AQP1: variants seen among roughly 807,000 people sequenced by gnomAD.
The protein encoded by AQP1 is aquaporin-1.
Under a neutral mutation model 19.7 loss-of-function variants are expected in AQP1, and 11 were observed. The ratio of observed to expected loss-of-function variants is 0.56; its 90% CI spans 0.35 to 0.92. The LOEUF is 0.92. Ranked by LOEUF, AQP1 falls within the 40% of genes least tolerant of loss-of-function variation. The pLI is 0.01. For missense variants in AQP1, 320 were observed against 369.7 expected, an observed-to-expected ratio of 0.87 and a Z score of 1.10; for synonymous variants, 159 against 166.7, an observed-to-expected ratio of 0.95 and a Z score of 0.36.
At chr7:30,920,318 A>G (rs1791467092) in intron 1 of AQP1, among the ~76,000 whole-genome samples, 1 of 152,152 alleles carries the variant, frequency 6.6e-6, no homozygotes, top group Non-Finnish European at 1.5e-5. Context: ...GCTCAGATAC[A>G]GAGGGACAGG....
At chr7:30,922,340 G>T in intron 2 of AQP1, 110 bp downstream of exon 2, 2 of 1,465,570 alleles carry the variant, frequency 1.4e-6, no homozygotes, top group Middle Eastern at 2.3e-4. Flanking sequence ...TTGCCATTGG[G>T]TGGAGGATGG....
intron 1 of AQP1, among the ~76,000 whole-genome samples, chr7:30,919,054 C>T (rs1404599889): frequency 6.6e-6 from 1 of 152,130 alleles, no homozygotes; most frequent in Non-Finnish European, 1.5e-5. Flanking sequence ...TGAAGAAGAC[C>T]GCCCTGGGTC....
intron 1 of AQP1, chr7:30,921,399 G>T (rs563058618): frequency 7.1e-7 from 1 of 1,417,846 alleles, no homozygotes; most frequent in Non-Finnish European, 9.2e-7. Flanking sequence ...TGGGGAGGAA[G>T]AAGAGAGAAG....
intron 1 of AQP1, among the ~76,000 whole-genome samples, chr7:30,915,971 G>A (rs1284616752): frequency 6.6e-6 from 1 of 152,186 alleles, no homozygotes; most frequent in Non-Finnish European, 1.5e-5. Flanking sequence ...GCCACATCTG[G>A]GACATATAAT....
chr7:30,922,812 C>A (rs1262530756), intron 3 of AQP1, among the ~76,000 whole-genome samples, 168 bp downstream of exon 3: 1 of 152,186 alleles, frequency 6.6e-6, no homozygotes, highest in Non-Finnish European at 1.5e-5. Flanking sequence ...GGTCACACTG[C>A]CAGCACTTTC....
intron 1 of AQP1, among the ~76,000 whole-genome samples, chr7:30,918,632 C>A (rs1019059156): frequency 2.0e-5 from 3 of 152,216 alleles, no homozygotes; most frequent in Admixed American, 2.0e-4. Context: ...GGAGCCTGCT[C>A]TTCCCCAAGG....
Position 30,911,979 on chromosome 7 carries a change from T to C in AQP1, c.70T>C (p.Phe24Leu). 6.2e-7 allele frequency: 1 copy of C among 1,613,620 alleles called. No individual in the cohort carries two copies. The change falls in exon 1 of 4, where the codon TTT becomes CTT. Residue 24 changes from phenylalanine (F) to leucine (L), a missense_variant. By Grantham distance (22) the Phe-to-Leu change is conservative (BLOSUM62 0). Transcript: ENST00000311813. ...VVAEFLATTLFVFISIGSALG... is the reference protein window; with the variant it reads ...VVAEFLATTLLVFISIGSALG... ...GGCCGAGTTCCTGGCCACGACCCTC[T>C]TTGTCTTCATCAGCATCGGTTCTGC...
rs916651094 is a variant in AQP1 at position 30,921,854 on chromosome 7, C to G, written c.385-212C>G. The G allele has an allele frequency of 3.9e-5, 60 of 1,542,380 alleles. No homozygotes were observed. In the Admixed American group the frequency reaches 7.4e-4, roughly 19 times the overall value. On this transcript the variant is annotated intron_variant, in intron 1 of 3. Coordinates refer to ENST00000311813, the MANE Select transcript of AQP1 (RefSeq NM_198098.4). ...GTCTAGGCAGGTATTAGGGGCTGGG[C>G]TGGAGTTTCATTAACACAGGGGGTG...
intron 1 of AQP1, among the ~76,000 whole-genome samples, chr7:30,915,465 A>T (rs1450575904): frequency 6.6e-6 from 1 of 152,120 alleles, no homozygotes; most frequent in Non-Finnish European, 1.5e-5. Context: ...GAAGGGGCAG[A>T]GGGACTGTGT....
rs1562576256 is a variant in AQP1, at chr7:30,912,207, G to GC, written c.301dup (p.Gln101ProfsTer28). On this transcript the variant is annotated frameshift_variant, in exon 1 of 4. Transcript: ENST00000311813. LOFTEE classifies it high-confidence loss of function. The surrounding 1 kb of genome is among the most constrained non-coding windows in gnomAD (Gnocchi z 4.3). The stretch of plus-strand genomic sequence containing the variant: ...CTTCCGTGCCCTCATGTACATCATC[G>GC]CCCAGTGCGTGGGGGCCATCGTCGC... 1 of 1,611,562 alleles carries GC rather than the reference G, an allele frequency of 6.2e-7. No individual in the cohort carries two copies. Among genetic ancestry groups the GC allele is most frequent in the Non-Finnish European group, 8.5e-7 (1 of 1,180,008 alleles).
intron 1 of AQP1, among the ~76,000 whole-genome samples, chr7:30,918,018 G>T (rs538030418): frequency 3.3e-5 from 5 of 149,682 alleles, no homozygotes; most frequent in South Asian, 2.1e-4. Context: ...TTTTTGAGAC[G>T]GAGTCTCACT....
In AQP1 at chr7:30,922,201, C is replaced by T. The variant is rs1039881123; in HGVS notation, c.520C>T (p.Leu174Phe). 3.7e-6 allele frequency: 6 copies of T among 1,610,040 alleles called. No individual in the cohort carries two copies. Among genetic ancestry groups the T allele is most frequent in the East Asian group, 2.2e-5 (1 of 44,860 alleles). Residue 174 changes from leucine (L) to phenylalanine (F), a missense_variant, in exon 2 of 4, where the codon CTC (leucine) becomes TTC (phenylalanine). Physicochemically the swap from Leu to Phe is conservative, Grantham distance 22. Transcript: ENST00000311813. ...LGGSAPLAIG[L>F]SVALGHLLAI... ...TGGCTCAGCCCCCCTTGCCATCGGCCTCTCTGTAGCCCTTGGACACCTCCT... is the reference window on the plus strand; with the variant it reads ...TGGCTCAGCCCCCCTTGCCATCGGCTTCTCTGTAGCCCTTGGACACCTCCT...
chr7:30,925,102 G>A lies in AQP1; in HGVS notation c.*1473G>A, dbSNP rs1278826299. ...ACAATTACGCAGGTATTTAGAAGCA[G>A]AGGGACAACCAGAAGGCCCTTAACT... On this transcript the variant is annotated 3_prime_UTR_variant, in exon 4 of 4. Transcript: ENST00000311813. The A allele has an allele frequency of 7.9e-5, 12 of 152,396 alleles. 1 individual carries two copies. The highest frequency in any genetic ancestry group is 4.6e-4 in the Admixed American group (7 of 15,306). The allele number at this position is 152,396 out of a possible 1,614,324, so 9.4% of individuals were successfully genotyped here.
rs753252444 is a variant in AQP1, at chr7:30,922,665, G to C, written c.630+21G>C. On this transcript the variant is annotated intron_variant, in intron 3 of 3. Transcript: ENST00000311813. ...ACTGGGTAGGAGACCCACGGGGGGTGGGGTGGGAAGCTTTGGTGTCCCATG... is the reference window on the plus strand; with the variant it reads ...ACTGGGTAGGAGACCCACGGGGGGTCGGGTGGGAAGCTTTGGTGTCCCATG... The C allele has an allele frequency of 1.1e-5, 17 of 1,608,568 alleles. 1 individual carries two copies. The South Asian group carries it at 1.8e-4, about 17-fold the overall frequency.
Position 30,912,168 on chromosome 7 carries a change from T to C in AQP1, c.259T>C (p.Cys87Arg). 6.2e-7 allele frequency: 1 copy of C among 1,612,928 alleles called. No individual in the cohort carries two copies. The highest frequency in any genetic ancestry group is 1.3e-5 in the African/African-American group (1 of 75,060). The change falls in exon 1 of 4, where the codon TGC becomes CGC. Residue 87 changes from cysteine to arginine, a missense_variant. Transcript: ENST00000311813. The surrounding 1 kb of genome is among the most constrained non-coding windows in gnomAD (Gnocchi z 4.3). ...PAVTLGLLLS[C>R]QISIFRALMY... ...TGTCACACTGGGGCTGCTGCTCAGC[T>C]GCCAGATCAGCATCTTCCGTGCCCT... is the stretch of plus-strand genomic sequence containing the variant.
In AQP1 at chr7:30,912,444, T is replaced by C. The variant is rs1791191801; in HGVS notation, c.384+151T>C. On this transcript the variant is annotated intron_variant, in intron 1 of 3. Transcript: ENST00000311813. The surrounding 1 kb of genome is among the most constrained non-coding windows in gnomAD (Gnocchi z 4.3). ...CACGTAGAGAGCTGGGGGGAAGAGC[T>C]GGGGCTGGAACTCAGCTATGCATGC... 4 of 1,223,420 alleles carry C rather than the reference T, an allele frequency of 3.3e-6. No individual in the cohort carries two copies. 75.8% of individuals were successfully genotyped at this position (1,223,420 alleles called of 1,614,324 possible).
At chr7:30,913,330 G>T (rs1791218646) in intron 1 of AQP1, 1 of 152,408 alleles carries the variant, frequency 6.6e-6, no homozygotes, top group Admixed American at 6.5e-5. Flanking sequence ...CACAGCAGGG[G>T]AGGATTTGGC....
Position 30,924,126 on chromosome 7 carries a change from C to G in AQP1, c.*497C>G, listed in dbSNP as rs1029124144. On this transcript the variant is annotated 3_prime_UTR_variant, in exon 4 of 4. Coordinates refer to ENST00000311813, the MANE Select transcript of AQP1 (RefSeq NM_198098.4). ...TGCAGTGGAGGGGGCAAGCTTTGCT[C>G]CTTCAGTTCTGCTTGCTCCCAAGCC... The G allele has an allele frequency of 1.5e-5, 18 of 1,190,198 alleles. No individual in the cohort carries two copies. The highest frequency in any genetic ancestry group is 3.8e-4 in the Middle Eastern group (1 of 2,616). 73.7% of individuals were successfully genotyped at this position (1,190,198 alleles called of 1,614,324 possible).
Position 30,922,116 on chromosome 7 carries a change from G to A in AQP1, c.435G>A (p.Gly145=). The A allele has an allele frequency of 1.2e-6, 2 of 1,614,092 alleles. No individual in the cohort carries two copies. The highest frequency in any genetic ancestry group is 1.7e-6 in the Non-Finnish European group (2 of 1,180,034). ...SGQGLGIEII[G]TLQLVLCVLA... is the part of the protein sequence containing the mutation. ...AGGGCCTGGGCATCGAGATCATCGG[G>A]ACCCTCCAGCTGGTGCTATGCGTGC... The change falls in exon 2 of 4, where the codon GGG becomes GGA. Residue 145 remains glycine (G), a synonymous_variant. Transcript: ENST00000311813.
Sources: allele counts gnomAD v4.1 joint callset (sites outside exome capture counted in the v4.1 genomes callset), GRCh38; gene constraint gnomAD v4.1.1; non-coding constraint Gnocchi (gnomAD v3.1); transcripts MANE v1.5; gene names NCBI Gene and HGNC (gene_info 2026-07-23, HGNC 2026-07-21).